The following CIMAP1A variants were observed in gnomAD, a reference collection of about 807,000 sequenced individuals.
CIMAP1A encodes cancer/testis antigen 135.
At chr11:199,577 A>T in the CIMAP1A span, 359 of 1,510,672 alleles carry the variant, frequency 2.4e-4, no homozygotes, top group Non-Finnish European at 2.7e-4. Context: ...GATGTGTAGG[A>T]AAGAGCAGGG....
chr11:199,325 G>A, the CIMAP1A span: 8 of 1,551,776 alleles, frequency 5.2e-6, no homozygotes, highest in East Asian at 2.4e-5. Flanking sequence ...AGGGCCACAC[G>A]CCCTGGGTAG....
At chr11:199,089 CCT>C in the CIMAP1A span, 2 of 1,305,844 alleles carry the variant, frequency 1.5e-6, no homozygotes, top group East Asian at 6.7e-5. Context: ...GCAGCAACAG[CCT>C]CTCTCACACA....
the CIMAP1A span, chr11:199,565 G>C: frequency 2.0e-6 from 3 of 1,525,692 alleles, no homozygotes; most frequent in Non-Finnish European, 2.6e-6. Context: ...CTGGCCCAGA[G>C]GGATGTGTAG....
the CIMAP1A span, chr11:197,257 G>C: frequency 1.4e-6 from 2 of 1,381,834 alleles, no homozygotes; most frequent in Admixed American, 4.4e-5. Context: ...GGACAGGGCC[G>C]GGCCTCCCAG....
chr11:197,532 G>T, the CIMAP1A span: 2 of 1,609,238 alleles, frequency 1.2e-6, no homozygotes, highest in Non-Finnish European at 1.7e-6. Flanking sequence ...GTCAGGCTCC[G>T]GGCTGCTCAG....
the CIMAP1A span, chr11:198,126 T>C: frequency 1.3e-6 from 2 of 1,565,880 alleles, no homozygotes; most frequent in Non-Finnish European, 1.7e-6. Context: ...TGTTGGGGAG[T>C]CCTCCTTGAG....
the CIMAP1A span, chr11:197,680 C>T: frequency 6.8e-6 from 11 of 1,613,798 alleles, no homozygotes; most frequent in Non-Finnish European, 7.6e-6. Flanking sequence ...CCCCAAGATA[C>T]TGAGGACTGG....
At chr11:197,080 G>T in the CIMAP1A span, 9 of 430,360 alleles carry the variant, frequency 2.1e-5, no homozygotes, top group South Asian at 3.5e-4. Context: ...AGCAACTCTG[G>T]GTTACAGTTA....
At chr11:197,431 T>C in the CIMAP1A span, 1 of 1,598,304 alleles carries the variant, frequency 6.3e-7, no homozygotes, top group Non-Finnish European at 8.5e-7. Flanking sequence ...CCTGAGAGAC[T>C]GTGGGAGAGG....
chr11:199,798 A>G, the CIMAP1A span: 2 of 1,453,184 alleles, frequency 1.4e-6, no homozygotes, highest in Non-Finnish European at 1.8e-6. Context: ...ACTACTGCTG[A>G]GTGCTCTGTG....
chr11:199,667 TG>T, the CIMAP1A span: 1 of 420,292 alleles, frequency 2.4e-6, no homozygotes, highest in East Asian at 7.7e-5. Flanking sequence ...AGGGGTGGGG[TG>T]GGGATGGGAG....
chr11:199,671 G>GGGGGGGGGGGGGGGGGGGT, the CIMAP1A span: 1 of 760,594 alleles, frequency 1.3e-6, no homozygotes, highest in Non-Finnish European at 1.8e-6. Context: ...GTGGGGTGGG[G>GGGGGGGGGGGGGGGGGGGT]ATGGGAGGCA....
chr11:198,857 CA>C, the CIMAP1A span: 4 of 1,328,006 alleles, frequency 3.0e-6, no homozygotes, highest in Non-Finnish European at 2.9e-6. Context: ...GAGAGAGAGG[CA>C]ATCTTAGATA....
the CIMAP1A span, chr11:198,544 G>A: frequency 6.2e-7 from 1 of 1,612,714 alleles, no homozygotes; most frequent in South Asian, 1.1e-5. Context: ...TTCCATCAAG[G>A]GCCGCAGCAA....
the CIMAP1A span, chr11:199,512 C>T: frequency 6.4e-7 from 1 of 1,552,692 alleles, no homozygotes; most frequent in African/African-American, 1.4e-5. Flanking sequence ...CTGAGAAGGT[C>T]CAGGAAGAGC....
At chr11:199,966 C>T in the CIMAP1A span, 2 of 1,614,154 alleles carry the variant, frequency 1.2e-6, no homozygotes, top group African/African-American at 1.3e-5. Flanking sequence ...AAGCCCTGCG[C>T]CCCAGTTGTC....
chr11:197,478 G>A, the CIMAP1A span: 1 of 1,591,118 alleles, frequency 6.3e-7, no homozygotes, highest in Non-Finnish European at 8.6e-7. Context: ...GTCCCGGGAA[G>A]GGCCTGGGGC....
chr11:200,231 AAATT>A, the CIMAP1A span: 1 of 576,920 alleles, frequency 1.7e-6, no homozygotes, highest in Non-Finnish European at 3.0e-6. Context: ...TGCTGTGCCC[AAATT>A]ATTAATAAAT....
At chr11:199,463 G>A in the CIMAP1A span, 1 of 1,562,964 alleles carries the variant, frequency 6.4e-7, no homozygotes, top group Non-Finnish European at 8.7e-7. Context: ...GAGCCCCCAG[G>A]GGACAAGACC....
Sources: gnomAD v4.1 joint callset for allele counts on GRCh38, gnomAD v4.1.1 for gene constraint, MANE v1.5 for transcripts, NCBI Gene and HGNC (gene_info 2026-07-23, HGNC 2026-07-21) for gene names.